RIMS2: variants seen among roughly 807,000 people sequenced by gnomAD.
The protein encoded by RIMS2 is regulating synaptic membrane exocytosis protein 2.
RIMS2 carries 59 observed loss-of-function variants against 174.4 expected under a neutral mutation model. The observed-to-expected ratio is 0.34, with a 90% CI of 0.27 to 0.42. The LOEUF (loss-of-function observed/expected upper bound fraction) is 0.42, where lower values mean the gene tolerates loss of function less well. Ranked by LOEUF, RIMS2 falls within the 10% of genes least tolerant of loss-of-function variation. The pLI is 1.00. For synonymous variants in RIMS2, 606 were observed against 572.5 expected, an observed-to-expected ratio of 1.06 and a Z score of -0.84; for missense variants, 1,620 against 1,666.3, an observed-to-expected ratio of 0.97 and a Z score of 0.48.
At chr8:103,675,135 C>T (rs1307358443) in intron 1 of RIMS2, among the ~76,000 whole-genome samples, 3 of 152,148 alleles carry the variant, frequency 2.0e-5, no homozygotes, top group Non-Finnish European at 4.4e-5. Flanking sequence ...TGGTCTCGAA[C>T]TCCTGACCTC....
chr8:103,753,521 C>G (rs1299529756), intron 2 of RIMS2, among the ~76,000 whole-genome samples: 1 of 152,066 alleles, frequency 6.6e-6, no homozygotes, highest in Non-Finnish European at 1.5e-5. Flanking sequence ...GGTACCAGTT[C>G]CTCCTTATAC....
intron 19 of RIMS2, among the ~76,000 whole-genome samples, chr8:104,135,613 C>CAAAAAAAAA (rs35163912): frequency 1.1e-4 from 9 of 79,684 alleles, no homozygotes; most frequent in East Asian, 3.7e-4. Context: ...CTCCCAACCT[C>CAAAAAAAAA]AAAAAAAAAA....
chr8:103,884,398 T>C (rs1244752861), intron 3 of RIMS2, among the ~76,000 whole-genome samples: 1 of 151,928 alleles, frequency 6.6e-6, no homozygotes, highest in East Asian at 1.9e-4. Flanking sequence ...CTTTTCATGA[T>C]TAATAGTTGA....
At chr8:103,638,494 A>G (rs558303226) in intron 1 of RIMS2, among the ~76,000 whole-genome samples, 4 of 152,010 alleles carry the variant, frequency 2.6e-5, no homozygotes, top group Non-Finnish European at 5.9e-5. Context: ...CTATATCAGT[A>G]TGGATTAATG....
intron 1 of RIMS2, among the ~76,000 whole-genome samples, chr8:103,534,049 T>TA (rs1255793613): frequency 6.6e-6 from 1 of 152,236 alleles, no homozygotes; most frequent in Admixed American, 6.5e-5. Flanking sequence ...AAAAATACAC[T>TA]AAGCCCTGTT....
rs183020452 is a variant in RIMS2 at position 104,202,276 on chromosome 8, A to T, written c.3335-42640A>T. Among the ~76,000 whole-genome samples the T allele has an allele frequency of 8.8e-3, 1,342 of 152,310 alleles. 17 individuals carry two copies. Among genetic ancestry groups the T allele is most frequent in the African/African-American group, 0.031 (1,296 of 41,562 alleles). On this transcript the variant is annotated intron_variant, in intron 19 of 23. Transcript: ENST00000504942. ...CTTAGGACATATTTAACTTATGGAA[A>T]TTCACTTTACAGCTGAATTTTATCA...
chr8:103,569,104 C>A, intron 1 of RIMS2: 1 of 309,320 alleles, frequency 3.2e-6, no homozygotes. Context: ...CGAAGGAAAC[C>A]ATTACCTAAC....
intron 1 of RIMS2, among the ~76,000 whole-genome samples, chr8:103,694,669 G>A (rs1030243623): frequency 1.3e-5 from 2 of 151,956 alleles, no homozygotes; most frequent in Non-Finnish European, 2.9e-5. Flanking sequence ...CCTGGGCTAC[G>A]GGGGCTGGTT....
chr8:103,973,295 A>G (rs906349678), intron 15 of RIMS2, among the ~76,000 whole-genome samples: 3 of 152,080 alleles, frequency 2.0e-5, no homozygotes, highest in African/African-American at 7.3e-5. Flanking sequence ...AATGGAGGTA[A>G]TATCTTGGCA....
exon 1 of RIMS2, chr8:103,500,808 C>A: frequency 1.1e-6 from 1 of 870,248 alleles, no homozygotes; most frequent in Non-Finnish European, 1.7e-6. Flanking sequence ...CTGGAGGCTG[C>A]CCCAGCCGCC....
In RIMS2 at chr8:103,835,085, C is replaced by CT. The variant is rs1324149297; in HGVS notation, c.699-50206dup. Among the ~76,000 whole-genome samples, 4 of 146,346 alleles carry CT rather than the reference C, an allele frequency of 2.7e-5. No homozygotes were observed. In the East Asian group the frequency reaches 8.2e-4, roughly 30 times the overall value. Reference sequence around the variant, plus strand: ...CTGCATCTGGCCAAGACTGAGTTTTCTTTTTTTCTTTTCTTTTCTTTTTTT... The same window carrying CT: ...CTGCATCTGGCCAAGACTGAGTTTTCTTTTTTTTCTTTTCTTTTCTTTTTTT... On this transcript the variant is annotated intron_variant, in intron 3 of 23. Transcript: ENST00000504942.
intron 1 of RIMS2, among the ~76,000 whole-genome samples, chr8:103,630,729 GATAAA>G (rs1459903018): frequency 2.6e-5 from 4 of 151,600 alleles, no homozygotes; most frequent in Non-Finnish European, 5.9e-5. Context: ...AAACAGTATA[GATAAA>G]ATAAAATGAA....
At chr8:103,755,795 C>G (rs1389811106) in intron 2 of RIMS2, among the ~76,000 whole-genome samples, 2 of 152,156 alleles carry the variant, frequency 1.3e-5, no homozygotes, top group African/African-American at 4.8e-5. Context: ...ATGTTCTTCT[C>G]TAAACTGATT....
intron 19 of RIMS2, among the ~76,000 whole-genome samples, chr8:104,236,601 A>G (rs897027159): frequency 8.5e-5 from 13 of 152,088 alleles, no homozygotes; most frequent in African/African-American, 3.1e-4. Context: ...TCTATAGACA[A>G]GTATTTTCAA....
intron 3 of RIMS2, among the ~76,000 whole-genome samples, chr8:103,854,694 C>A (rs1397088455): frequency 6.6e-6 from 1 of 151,874 alleles, no homozygotes; most frequent in Non-Finnish European, 1.5e-5. Flanking sequence ...TTGAACCATC[C>A]TTGTATCCCA....
intron 19 of RIMS2, among the ~76,000 whole-genome samples, chr8:104,034,309 T>G (rs2096463903): frequency 6.6e-6 from 1 of 152,134 alleles, no homozygotes; most frequent in African/African-American, 2.4e-5. Flanking sequence ...AGCTAAATGG[T>G]ATGACATGGA....
At chr8:104,052,969 C>G (rs1467622046) in intron 19 of RIMS2, among the ~76,000 whole-genome samples, 3 of 152,132 alleles carry the variant, frequency 2.0e-5, no homozygotes, top group African/African-American at 7.2e-5. Flanking sequence ...GAGAAAAGTA[C>G]AGGGCCAAAC....
intron 19 of RIMS2, among the ~76,000 whole-genome samples, chr8:104,153,626 TAGGAGTA>T (rs2134204881): frequency 6.6e-6 from 1 of 152,228 alleles, no homozygotes; most frequent in South Asian, 2.1e-4. Flanking sequence ...GGATGTAATT[TAGGAGTA>T]ATCCGCGGGT....
At chr8:103,918,981 A>G (rs1212260070) in intron 9 of RIMS2, among the ~76,000 whole-genome samples, 2 of 152,230 alleles carry the variant, frequency 1.3e-5, no homozygotes, top group African/African-American at 4.8e-5. Flanking sequence ...GGAAAGTGGG[A>G]TAACAGTTCT....
Sources: allele counts gnomAD v4.1 joint callset (sites outside exome capture counted in the v4.1 genomes callset), GRCh38; gene constraint gnomAD v4.1.1; transcripts MANE v1.5; gene names NCBI Gene and HGNC (gene_info 2026-07-23, HGNC 2026-07-21).